The following PTPRD variants were observed in gnomAD, a reference collection of about 807,000 sequenced individuals.
PTPRD encodes protein tyrosine phosphatase receptor type D, also known as receptor-type tyrosine-protein phosphatase delta.
A neutral mutation model predicts 214.5 loss-of-function variants in PTPRD; 34 were observed. The observed-to-expected ratio is 0.16, with a 90% CI of 0.12 to 0.21. PTPRD has a LOEUF of 0.21. Ranked by LOEUF, PTPRD falls within the 10% of genes least tolerant of loss-of-function variation. PTPRD has a pLI of 1.00. For synonymous variants in PTPRD, 1,128 were observed against 845.7 expected (o/e 1.33, Z -5.79); for missense variants, 2,545 against 2,398.7 (o/e 1.06, Z -1.27).
intron 7 of PTPRD, among the ~76,000 whole-genome samples, chr9:9,690,649 G>A (rs1484541269): frequency 6.6e-6 from 1 of 151,816 alleles, no homozygotes; most frequent in Non-Finnish European, 1.5e-5. Flanking sequence ...TGTTTTATAT[G>A]TTGAGAGATA....
chr9:9,891,810 G>A (rs1003723920), intron 5 of PTPRD, among the ~76,000 whole-genome samples: 2 of 152,102 alleles, frequency 1.3e-5, no homozygotes, highest in Non-Finnish European at 2.9e-5. Flanking sequence ...GAAGAGTTCA[G>A]TTCAAGCTTT....
chr9:9,192,839 C>G (rs2099936070), intron 9 of PTPRD, among the ~76,000 whole-genome samples: 1 of 152,034 alleles, frequency 6.6e-6, no homozygotes, highest in African/African-American at 2.4e-5. Context: ...TCAGAGACTG[C>G]AGAGAAGTCA....
chr9:9,132,502 G>A (rs1319121264), intron 10 of PTPRD, among the ~76,000 whole-genome samples: 1 of 149,800 alleles, frequency 6.7e-6, no homozygotes, highest in African/African-American at 2.5e-5. Flanking sequence ...GATGAAACAT[G>A]GGTCAAATTC....
At chr9:8,918,118 G>A (rs529018799) in intron 11 of PTPRD, among the ~76,000 whole-genome samples, 1 of 152,220 alleles carries the variant, frequency 6.6e-6, no homozygotes, top group South Asian at 2.1e-4. Flanking sequence ...TCACCTGCTC[G>A]AGCAGCCAGA....
intron 7 of PTPRD, among the ~76,000 whole-genome samples, chr9:9,623,456 C>T (rs1244495497): frequency 6.6e-6 from 1 of 152,156 alleles, no homozygotes; most frequent in African/African-American, 2.4e-5. Flanking sequence ...CCAGTATAGG[C>T]AATATTCTCC....
chr9:10,494,791 T>A (rs1320552463), intron 2 of PTPRD, among the ~76,000 whole-genome samples: 1 of 151,630 alleles, frequency 6.6e-6, no homozygotes, highest in East Asian at 1.9e-4. Flanking sequence ...TAATGTCAGT[T>A]TCAGATACTG....
intron 7 of PTPRD, among the ~76,000 whole-genome samples, chr9:9,669,436 G>C (rs1057352421): frequency 2.6e-5 from 4 of 152,136 alleles, no homozygotes; most frequent in African/African-American, 9.7e-5. Flanking sequence ...GATCAAAGTG[G>C]TGCATCAAGT....
At chr9:10,094,050 C>T (rs1417617213) in intron 3 of PTPRD, among the ~76,000 whole-genome samples, 2 of 151,236 alleles carry the variant, frequency 1.3e-5, no homozygotes, top group Non-Finnish European at 3.0e-5. Context: ...GCAATATATC[C>T]ACATAACAAA....
At chr9:9,369,671 A>G (rs896871105) in intron 9 of PTPRD, among the ~76,000 whole-genome samples, 3 of 152,158 alleles carry the variant, frequency 2.0e-5, no homozygotes, top group Non-Finnish European at 4.4e-5. Flanking sequence ...TGTTTTAGAC[A>G]TGAAGTCCTT....
At chr9:9,837,447 C>G (rs548032558) in intron 5 of PTPRD, among the ~76,000 whole-genome samples, 1 of 152,052 alleles carries the variant, frequency 6.6e-6, no homozygotes, top group Non-Finnish European at 1.5e-5. Flanking sequence ...CTTTTGGAAG[C>G]CTTCCCCATT....
At chr9:10,478,678 T>C (rs2099078122) in intron 2 of PTPRD, among the ~76,000 whole-genome samples, 1 of 151,946 alleles carries the variant, frequency 6.6e-6, no homozygotes, top group East Asian at 1.9e-4. Context: ...ATTTTTGACT[T>C]AATAACATAT....
intron 2 of PTPRD, among the ~76,000 whole-genome samples, chr9:10,560,249 T>A (rs2063577314): frequency 6.6e-6 from 1 of 152,146 alleles, no homozygotes; most frequent in Non-Finnish European, 1.5e-5. Flanking sequence ...TGAGTTCATG[T>A]CCTTTGTAGG....
At chr9:8,350,138 G>A (rs1016059075) in intron 39 of PTPRD, among the ~76,000 whole-genome samples, 8 of 152,176 alleles carry the variant, frequency 5.3e-5, no homozygotes, top group East Asian at 3.9e-4. Context: ...TTAATGTCCC[G>A]TGATGTGATA....
At chr9:9,096,222 A>C (rs1302544873) in intron 10 of PTPRD, among the ~76,000 whole-genome samples, 1 of 152,242 alleles carries the variant, frequency 6.6e-6, no homozygotes, top group Non-Finnish European at 1.5e-5. Flanking sequence ...AGTAGATTTT[A>C]GCCACCGTTG....
chr9:10,152,938 G>A (rs2099070874), intron 3 of PTPRD, among the ~76,000 whole-genome samples: 1 of 152,052 alleles, frequency 6.6e-6, no homozygotes, highest in Admixed American at 6.6e-5. Flanking sequence ...AATACTACAT[G>A]AGCTCACATA....
chr9:8,504,343 T>C lies in PTPRD; in HGVS notation c.1740A>G (p.Leu580=), dbSNP rs962874172. The C allele has an allele frequency of 1.2e-6, 2 of 1,614,148 alleles. No homozygotes were observed. Among genetic ancestry groups the C allele is most frequent in the Non-Finnish European group, 1.7e-6 (2 of 1,179,982 alleles). Residue 580 remains leucine (L), a synonymous_variant, in exon 23 of 46, where the codon TTA becomes TTG. Coordinates refer to ENST00000381196, the MANE Select transcript of PTPRD (RefSeq NM_002839.4). ...YRLQGLKPNS[L]YYFRLAARSP... ...AGCGTGCAGCCAGACGGAAATAGTA[T>C]AAGCTGTTTGGTTTCAGTCCTTGCA...
chr9:8,419,069 C>G (rs953297296), intron 35 of PTPRD, among the ~76,000 whole-genome samples: 1 of 151,332 alleles, frequency 6.6e-6, no homozygotes, highest in Non-Finnish European at 1.5e-5. Context: ...ATTTTAAAAA[C>G]TCATCACAAA....
At chr9:9,372,041 T>A (rs138672633) in intron 9 of PTPRD, among the ~76,000 whole-genome samples, 141 of 152,314 alleles carry the variant, frequency 9.3e-4, no homozygotes, top group African/African-American at 3.3e-3. Flanking sequence ...AACTATGTGA[T>A]CAATTTTGGA....
chr9:9,589,799 A>C (rs756376638), intron 7 of PTPRD, among the ~76,000 whole-genome samples: 1 of 152,080 alleles, frequency 6.6e-6, no homozygotes, highest in African/African-American at 2.4e-5. Flanking sequence ...AACATGTGGT[A>C]AACACACATA....
Sources: gnomAD v4.1 joint callset for allele counts (sites outside exome capture counted in the v4.1 genomes callset) on GRCh38, gnomAD v4.1.1 for gene constraint, MANE v1.5 for transcripts, NCBI Gene and HGNC (gene_info 2026-07-23, HGNC 2026-07-21) for gene names.